SPTBN1: variants seen among roughly 807,000 people sequenced by gnomAD.
SPTBN1 encodes the protein spectrin beta chain, non-erythrocytic 1.
A neutral mutation model predicts 266.4 loss-of-function variants in SPTBN1; 32 were observed. The observed-to-expected ratio is 0.12, with a 90% CI of 0.09 to 0.16. The LOEUF (loss-of-function observed/expected upper bound fraction) is 0.16, where lower values mean the gene tolerates loss of function less well. Ranked by LOEUF, SPTBN1 falls within the 10% of genes least tolerant of loss-of-function variation. The probability of loss-of-function intolerance (pLI) is 1.00; values close to 1 mark genes in which losing one functional copy is unlikely to be tolerated. For synonymous variants in SPTBN1, 1,336 were observed against 1,162.2 expected, an observed-to-expected ratio of 1.15 and a Z score of -3.04; for missense variants, 2,296 against 3,067.1, an observed-to-expected ratio of 0.75 and a Z score of 5.94.
At chr2:54,640,212 C>T (rs1488660482) in intron 18 of SPTBN1, among the ~76,000 whole-genome samples, 4 of 152,170 alleles carry the variant, frequency 2.6e-5, no homozygotes, top group African/African-American at 7.2e-5. Context: ...ACCAGCCCTA[C>T]ATTTGATAAT....
At chr2:54,485,152 C>CTCTCCCTCTCCCTCTCCCTCCG (rs1453413179) in intron 1 of SPTBN1, among the ~76,000 whole-genome samples, 31,048 of 148,966 alleles carry the variant, frequency 0.21, 4,216 homozygotes, top group East Asian at 0.35. Context: ...TCGCCTCTCC[C>CTCTCCCTCTCCCTCTCCCTCCG]TCTCCCTCTC....
intron 2 of SPTBN1, among the ~76,000 whole-genome samples, chr2:54,582,005 G>A (rs1027769936): frequency 6.6e-6 from 1 of 151,936 alleles, no homozygotes. Context: ...TAAATTATCA[G>A]CACCGAGAAT....
rs541867233 is a variant in SPTBN1 at position 54,509,530 on chromosome 2, A to G, written c.-47-16842A>G. ...ACATGATGGCCAGCCTAAAACAGTAAGGTCAAGTTGTTGATCTGGTTCTCA... is the reference window on the plus strand; with the variant it reads ...ACATGATGGCCAGCCTAAAACAGTAGGGTCAAGTTGTTGATCTGGTTCTCA... On this transcript the variant is annotated intron_variant, in intron 1 of 35. Transcript: ENST00000356805. Among the ~76,000 whole-genome samples, 5 of 152,372 alleles carry G rather than the reference A, an allele frequency of 3.3e-5. No individual in the cohort carries two copies. The South Asian group carries it at 1.0e-3, about 32-fold the overall frequency.
intron 1 of SPTBN1, among the ~76,000 whole-genome samples, chr2:54,522,697 G>GAGAAAGAGAGAGAA (rs1553439439): frequency 1.0e-5 from 1 of 97,270 alleles, no homozygotes; most frequent in African/African-American, 4.1e-5. Flanking sequence ...GAGAGAGAGA[G>GAGAAAGAGAGAGAA]AGAAAGAAAG....
Position 54,646,627 on chromosome 2 carries a change from C to A in SPTBN1, c.4866+152C>A. 1.1e-6 allele frequency: 1 copy of A among 911,834 alleles called. No homozygotes were observed. Among genetic ancestry groups the A allele is most frequent in the Non-Finnish European group, 1.5e-6 (1 of 662,842 alleles). 56.5% of individuals were successfully genotyped at this position (911,834 alleles called of 1,614,324 possible). ...CATGTGCATGAAGGTGTCTGAAATCCAGCTGCTGGTTTCCCTTTGGTGCAG... is the reference window on the plus strand; with the variant it reads ...CATGTGCATGAAGGTGTCTGAAATCAAGCTGCTGGTTTCCCTTTGGTGCAG... On this transcript the variant is annotated intron_variant, in intron 23 of 35. Transcript: ENST00000356805. The surrounding 1 kb of genome is among the most constrained non-coding windows in gnomAD (Gnocchi z 4.4).
chr2:54,471,415 T>C (rs1320195810), intron 1 of SPTBN1, among the ~76,000 whole-genome samples: 3 of 152,164 alleles, frequency 2.0e-5, no homozygotes, highest in East Asian at 3.8e-4. Context: ...TACATATTTT[T>C]TGGCTGAGTG....
In SPTBN1 at chr2:54,649,336, A is replaced by C. The variant is rs1680119124; in HGVS notation, c.5202+146A>C. 1 of 1,054,788 alleles carries C rather than the reference A, an allele frequency of 9.5e-7. No homozygotes were observed. The allele number at this position is 1,054,788 out of a possible 1,614,324, so 65.3% of individuals were successfully genotyped here. A position where few individuals can be genotyped will look rare whatever the true frequency, so the allele number is the denominator to read the frequency against. The stretch of plus-strand genomic sequence containing the variant: ...TTAGTTTTAAGGTGGTGTTTCTTTT[A>C]TAAGCTGGTGACTCGCATTTAGGTT... On this transcript the variant is annotated intron_variant, in intron 25 of 35. Coordinates refer to ENST00000356805, the MANE Select transcript of SPTBN1 (RefSeq NM_003128.3). The surrounding 1 kb of genome is among the most constrained non-coding windows in gnomAD (Gnocchi z 6.7).
rs183446398 is a variant in SPTBN1 at position 54,646,901 on chromosome 2, C to T, written c.4867-230C>T. Among the ~76,000 whole-genome samples the T allele has an allele frequency of 3.3e-5, 5 of 152,280 alleles. No homozygotes were observed. Among genetic ancestry groups the T allele is most frequent in the Admixed American group, 3.3e-4 (5 of 15,296 alleles). The stretch of plus-strand genomic sequence containing the variant: ...TGCCCAAGCTTTTCTCTGAGAGGGG[C>T]CCTGCTCATTCTGCGTTCTCCTTGT... On this transcript the variant is annotated intron_variant, in intron 23 of 35. Coordinates refer to ENST00000356805, the MANE Select transcript of SPTBN1 (RefSeq NM_003128.3). The surrounding 1 kb of genome is among the most constrained non-coding windows in gnomAD (Gnocchi z 4.4).
intron 4 of SPTBN1, among the ~76,000 whole-genome samples, chr2:54,612,786 ATG>A (rs1249437728): frequency 1.4e-5 from 2 of 142,776 alleles, no homozygotes; most frequent in Non-Finnish European, 3.0e-5. Flanking sequence ...GGGTTATGGC[ATG>A]TGTGTGGGCT....
rs909968581 is a variant in SPTBN1, at chr2:54,612,211, C to T, written c.351C>T (p.Asp117=). Residue 117 remains aspartate, a synonymous_variant, in exon 4 of 36, where the codon GAC becomes GAT. Coordinates refer to ENST00000356805, the MANE Select transcript of SPTBN1 (RefSeq NM_003128.3). ...RMRIHCLENV[D]KALQFLKEQR... Reference sequence around the variant, plus strand: ...GCATCCACTGCTTAGAGAATGTGGACAAGGCCCTTCAGTTCCTGAAGGAGC... The same window carrying T: ...GCATCCACTGCTTAGAGAATGTGGATAAGGCCCTTCAGTTCCTGAAGGAGC... The T allele has an allele frequency of 6.2e-7, 1 of 1,613,686 alleles. No homozygotes were observed.
At chr2:54,529,331 G>T in intron 2 of SPTBN1, 1 of 557,218 alleles carries the variant, frequency 1.8e-6, no homozygotes, top group South Asian at 1.7e-5. Context: ...ATACACTTGA[G>T]ACCCTTTTCA....
intron 2 of SPTBN1, among the ~76,000 whole-genome samples, chr2:54,569,029 G>A (rs1038827670): frequency 2.0e-5 from 3 of 152,212 alleles, no homozygotes; most frequent in Non-Finnish European, 4.4e-5. Context: ...TTTGAAGTAT[G>A]TGAAATATCT....
intron 2 of SPTBN1, among the ~76,000 whole-genome samples, chr2:54,530,114 C>T (rs1671128090): frequency 6.6e-6 from 1 of 152,020 alleles, no homozygotes; most frequent in East Asian, 1.9e-4. Flanking sequence ...TCGGTAGATA[C>T]AATCTAATCT....
intron 7 of SPTBN1, among the ~76,000 whole-genome samples, chr2:54,620,821 A>T (rs983782098): frequency 3.9e-5 from 6 of 152,248 alleles, no homozygotes; most frequent in African/African-American, 1.4e-4. Context: ...CTTATAGTTT[A>T]TTCTTCAGAC....
intron 4 of SPTBN1, among the ~76,000 whole-genome samples, chr2:54,613,739 A>G (rs985764403): frequency 5.3e-5 from 8 of 152,240 alleles, no homozygotes; most frequent in Admixed American, 5.2e-4. Context: ...CATTTCTGTT[A>G]TTTAGTTCCT....
chr2:54,478,081 A>C (rs566781574), intron 1 of SPTBN1, among the ~76,000 whole-genome samples: 19 of 152,066 alleles, frequency 1.2e-4, no homozygotes, highest in Non-Finnish European at 2.9e-5. Context: ...TTAAGAAAAC[A>C]TTTTTCACAT....
chr2:54,572,084 TC>T (rs11293382), intron 2 of SPTBN1, among the ~76,000 whole-genome samples: 65,880 of 151,776 alleles, frequency 0.43, 14,667 homozygotes, highest in Admixed American at 0.49. Flanking sequence ...TCCCTAGGAC[TC>T]TGCTGGGTGC....
chr2:54,617,830 T>C (rs900177446), intron 6 of SPTBN1, 142 bp downstream of exon 6: 1 of 769,916 alleles, frequency 1.3e-6, no homozygotes, highest in African/African-American at 1.8e-5. Context: ...GAGGAAAATA[T>C]GGGAGAATAT....
chr2:54,633,145 G>A (rs975347039), intron 17 of SPTBN1, among the ~76,000 whole-genome samples: 4 of 152,142 alleles, frequency 2.6e-5, no homozygotes, highest in Admixed American at 2.0e-4. Flanking sequence ...AGCCAAGCCC[G>A]TGTTCCCCTT....
Sources: gnomAD v4.1 joint callset for allele counts (sites outside exome capture counted in the v4.1 genomes callset) on GRCh38, gnomAD v4.1.1 for gene constraint, Gnocchi (gnomAD v3.1) non-coding constraint, MANE v1.5 for transcripts, NCBI Gene and HGNC (gene_info 2026-07-23, HGNC 2026-07-21) for gene names.